The following PCDHGA3 variants were observed in gnomAD, a reference collection of about 807,000 sequenced individuals.
The protein encoded by PCDHGA3 is protocadherin gamma-A3.
Under a neutral mutation model 58.5 loss-of-function variants are expected in PCDHGA3, and 40 were observed. The observed-to-expected ratio is 0.68, with a 90% CI of 0.53 to 0.89. PCDHGA3 has a LOEUF of 0.89. Among genes scored for constraint, PCDHGA3 ranks in the 40% least tolerant of loss-of-function variants. The probability of loss-of-function intolerance (pLI) is 0.00; values close to 1 mark genes in which losing one functional copy is unlikely to be tolerated. For missense variants in PCDHGA3, 1,223 were observed against 1,195.9 expected (o/e 1.02, Z -0.33); for synonymous variants, 530 against 525.7 (o/e 1.01, Z -0.11).
chr5:141,476,766 T>C lies in PCDHGA3; in HGVS notation c.2425-18041T>C. ...AGTCTCCAGTTAGTGCTGACGGCGT[T>C]GGACGGAGGGACCCCAGCTCTCTCC... On this transcript the variant is annotated intron_variant, in intron 1 of 3. Coordinates refer to ENST00000253812, the MANE Select transcript of PCDHGA3 (RefSeq NM_018916.4). This position sits in a 1 kb window ranked among gnomAD's most constrained non-coding sequence, Gnocchi z 7.6. The C allele has an allele frequency of 1.9e-6, 3 of 1,613,626 alleles. No individual in the cohort carries two copies. The highest frequency in any genetic ancestry group is 2.5e-6 in the Non-Finnish European group (3 of 1,179,952).
intron 1 of PCDHGA3, among the ~76,000 whole-genome samples, chr5:141,406,933 T>C (rs1034700573): frequency 6.6e-6 from 1 of 152,218 alleles, no homozygotes; most frequent in African/African-American, 2.4e-5. Flanking sequence ...ATGTATTATT[T>C]AATGTTATTT....
In PCDHGA3 at chr5:141,462,551, G is replaced by C. The variant is rs57555347; in HGVS notation, c.2425-32256G>C. 8.3e-3 allele frequency among the ~76,000 whole-genome samples: 1,259 copies of C among 151,854 alleles called. 17 individuals carry two copies. The highest frequency in any genetic ancestry group is 0.029 in the African/African-American group (1,196 of 41,422). ...TTGTTCAGTGATCTTTTCTTCTTCA[G>C]TGTTTACTGTATTTGCTAATCCCAT... On this transcript the variant is annotated intron_variant, in intron 1 of 3. Transcript: ENST00000253812.
At chr5:141,380,816 A>C (rs546532723) in intron 1 of PCDHGA3, among the ~76,000 whole-genome samples, 1 of 152,374 alleles carries the variant, frequency 6.6e-6, no homozygotes, top group East Asian at 1.9e-4. Flanking sequence ...AGATGAAACT[A>C]TGAATTTTGA....
chr5:141,366,149 C>T lies in PCDHGA3; in HGVS notation c.2424+19692C>T, dbSNP rs532159175. The stretch of plus-strand genomic sequence containing the variant: ...AGGCCAGAACGCCTGGCTGTCCTAC[C>T]GCCTGCTTAAGGCCAGCGAGCCAGG... On this transcript the variant is annotated intron_variant, in intron 1 of 3. Transcript: ENST00000253812. 9.9e-6 allele frequency: 16 copies of T among 1,614,042 alleles called. No homozygotes were observed. In the South Asian group the frequency reaches 1.5e-4, roughly 16 times the overall value.
intron 1 of PCDHGA3, chr5:141,389,603 C>A: frequency 6.2e-7 from 1 of 1,613,148 alleles, no homozygotes; most frequent in Non-Finnish European, 8.5e-7. Flanking sequence ...CTGCGCTCTT[C>A]GATATGGTGC....
chr5:141,378,535 T>A (rs1235721694), intron 1 of PCDHGA3: 1 of 152,092 alleles, frequency 6.6e-6, no homozygotes, highest in Non-Finnish European at 1.5e-5. Flanking sequence ...AAAATAATAA[T>A]GATAATTAAT....
chr5:141,400,426 G>A (rs1346018954), intron 1 of PCDHGA3: 1 of 1,614,060 alleles, frequency 6.2e-7, no homozygotes, highest in Non-Finnish European at 8.5e-7. Flanking sequence ...AAAATGTAGT[G>A]AGCAATTGAG....
rs138608867 is a variant in PCDHGA3 at position 141,477,655 on chromosome 5, T to C, written c.2425-17152T>C. 5.0e-3 allele frequency: 8,034 copies of C among 1,614,186 alleles called. 44 individuals carry two copies. The highest frequency in any genetic ancestry group is 9.4e-3 in the Admixed American group (567 of 60,020). On this transcript the variant is annotated intron_variant, in intron 1 of 3. Coordinates refer to ENST00000253812, the MANE Select transcript of PCDHGA3 (RefSeq NM_018916.4). The surrounding 1 kb of genome is among the most constrained non-coding windows in gnomAD (Gnocchi z 4.9). ...TAGTGGGTCGCTATTTCACAATAAA[T>C]CGTGACAATGGCATAGTGTCATCCT...
intron 1 of PCDHGA3, among the ~76,000 whole-genome samples, chr5:141,479,050 C>T (rs1484021560): frequency 6.6e-6 from 1 of 152,164 alleles, no homozygotes; most frequent in African/African-American, 2.4e-5. Context: ...ACCTCATTCT[C>T]AGATAATTTT....
Position 141,477,412 on chromosome 5 carries a change from C to T in PCDHGA3, c.2425-17395C>T. 6 of 1,614,168 alleles carry T rather than the reference C, an allele frequency of 3.7e-6. No individual in the cohort carries two copies. The highest frequency in any genetic ancestry group is 1.1e-5 in the South Asian group (1 of 91,082). On this transcript the variant is annotated intron_variant, in intron 1 of 3. Coordinates refer to ENST00000253812, the MANE Select transcript of PCDHGA3 (RefSeq NM_018916.4). This position sits in a 1 kb window ranked among gnomAD's most constrained non-coding sequence, Gnocchi z 4.9. ...ACCTCAGCATCACCGCCCGAGACGC[C>T]GGAACCCCTTCCCTCTCAGCCCTTA... is the stretch of plus-strand genomic sequence containing the variant.
intron 1 of PCDHGA3, chr5:141,415,794 A>C: frequency 7.3e-7 from 1 of 1,366,410 alleles, no homozygotes; most frequent in Non-Finnish European, 9.3e-7. Context: ...AAATTCACCT[A>C]GTCTCAATCA....
chr5:141,448,545 A>T lies in PCDHGA3; in HGVS notation c.2425-46262A>T, dbSNP rs537259621. On this transcript the variant is annotated intron_variant, in intron 1 of 3. Coordinates refer to ENST00000253812, the MANE Select transcript of PCDHGA3 (RefSeq NM_018916.4). ...AGCATCCTGTCAGCATTTCTTATGC[A>T]AATATGTACATATATTTTTATTTCC... 1.5e-4 allele frequency among the ~76,000 whole-genome samples: 23 copies of T among 152,334 alleles called. 1 individual carries two copies. The South Asian group carries it at 2.7e-3, about 18-fold the overall frequency.
At chr5:141,371,947 G>C in intron 1 of PCDHGA3, 1 of 1,613,300 alleles carries the variant, frequency 6.2e-7, no homozygotes, top group Non-Finnish European at 8.5e-7. Context: ...TTCGCGCAGC[G>C]AGCCTTCGAC....
Position 141,477,689 on chromosome 5 carries a change from C to T in PCDHGA3, c.2425-17118C>T. The T allele has an allele frequency of 6.2e-7, 1 of 1,614,156 alleles. No individual in the cohort carries two copies. The highest frequency in any genetic ancestry group is 8.5e-7 in the Non-Finnish European group (1 of 1,180,024). ...TGGCATAGTGTCATCCTTAGTGCCC[C>T]TAGACTATGAGGATCGGCGGGAATT... On this transcript the variant is annotated intron_variant, in intron 1 of 3. Transcript: ENST00000253812. This position sits in a 1 kb window ranked among gnomAD's most constrained non-coding sequence, Gnocchi z 4.9.
At chr5:141,388,893 G>C in intron 1 of PCDHGA3, 2 of 1,613,982 alleles carry the variant, frequency 1.2e-6, no homozygotes, top group South Asian at 2.2e-5. Flanking sequence ...AGAAGTCATA[G>C]ATGAAAATGA....
intron 1 of PCDHGA3, chr5:141,415,377 C>T (rs774655293): frequency 1.2e-6 from 2 of 1,614,118 alleles, no homozygotes; most frequent in African/African-American, 2.7e-5. Flanking sequence ...CTTCAGGAGG[C>T]GGCTTGACAG....
At chr5:141,483,291 A>T (rs767446911) in intron 1 of PCDHGA3, among the ~76,000 whole-genome samples, 4 of 152,126 alleles carry the variant, frequency 2.6e-5, no homozygotes, top group African/African-American at 4.8e-5. Flanking sequence ...TGTCAGTCAT[A>T]AGTGAAGGGA....
Position 141,372,286 on chromosome 5 carries a change from C to T in PCDHGA3, c.2424+25829C>T, listed in dbSNP as rs62620706. 47 of 1,613,150 alleles carry T rather than the reference C, an allele frequency of 2.9e-5. No homozygotes were observed. The African/African-American group carries it at 5.9e-4, about 20-fold the overall frequency. ...ACGGGTGAGGTGCGCACGGCGCGTA[C>T]CTTGGGCGACAGGGAGGCCGCCCGC... On this transcript the variant is annotated intron_variant, in intron 1 of 3. Coordinates refer to ENST00000253812, the MANE Select transcript of PCDHGA3 (RefSeq NM_018916.4).
chr5:141,447,356 C>T (rs1158878203), intron 1 of PCDHGA3, among the ~76,000 whole-genome samples: 4 of 152,000 alleles, frequency 2.6e-5, no homozygotes, highest in African/African-American at 9.7e-5. Context: ...TCAGGCTGGT[C>T]TCAAACTCCT....
Sources: gnomAD v4.1 joint callset for allele counts (sites outside exome capture counted in the v4.1 genomes callset) on GRCh38, gnomAD v4.1.1 for gene constraint, Gnocchi (gnomAD v3.1) non-coding constraint, MANE v1.5 for transcripts, NCBI Gene and HGNC (gene_info 2026-07-23, HGNC 2026-07-21) for gene names.